Variants in SFI1 observed in about 807,000 individuals in gnomAD.
SFI1 encodes the protein SFI1 centrin binding protein.
In SFI1, 195 loss-of-function variants were observed where a neutral mutation model predicts 207.5. The observed-to-expected ratio is 0.94, with a 90% CI of 0.84 to 1.06. The LOEUF (loss-of-function observed/expected upper bound fraction) is 1.06, where lower values mean the gene tolerates loss of function less well. Ranked by LOEUF, SFI1 falls within the 50% of genes least tolerant of loss-of-function variation. The pLI is 0.00. For missense variants in SFI1, 1,634 were observed against 1,588.0 expected (o/e 1.03, Z -0.49); for synonymous variants, 630 against 598.9 (o/e 1.05, Z -0.76).
At chr22:31,587,334 C>T (rs1199818247) in intron 14 of SFI1, 3 of 326,254 alleles carry the variant, frequency 9.2e-6, no homozygotes, top group Non-Finnish European at 1.2e-5. Context: ...ACAGGTTTCA[C>T]TTTGTCACCC....
chr22:31,580,330 G>GAAGGAATC lies in SFI1; in HGVS notation c.1215_1222dup (p.Leu408GlnfsTer46). The GAAGGAATC allele has an allele frequency of 6.2e-7, 1 of 1,613,946 alleles. No individual in the cohort carries two copies. ...ACCCACGCTCATCTCCAGCAAATAA[G>GAAGGAATC]AAGGAATCTTGCTCACCAGCAGCAT... On this transcript the variant is annotated frameshift_variant, in exon 12 of 33. Coordinates refer to ENST00000400288, the MANE Select transcript of SFI1 (RefSeq NM_001007467.3). LOFTEE classifies it high-confidence loss of function.
chr22:31,613,881 C>G (rs374678946), intron 27 of SFI1, 26 bp downstream of exon 27: 4 of 1,565,864 alleles, frequency 2.6e-6, no homozygotes, highest in Non-Finnish European at 3.5e-6. Flanking sequence ...TCACCTTGTC[C>G]TCGCTTCCAC....
At chr22:31,518,585 CT>C (rs1321170700) in intron 2 of SFI1, among the ~76,000 whole-genome samples, 1 of 152,112 alleles carries the variant, frequency 6.6e-6, no homozygotes, top group African/African-American at 2.4e-5. Context: ...ACCAGCTTTT[CT>C]CTTTGATCTT....
chr22:31,550,833 A>G (rs1360666240), intron 6 of SFI1, among the ~76,000 whole-genome samples: 1 of 152,204 alleles, frequency 6.6e-6, no homozygotes, highest in African/African-American at 2.4e-5. Flanking sequence ...GTCTAAGGGA[A>G]AAAGACCTAG....
At chr22:31,525,866 G>T (rs1485246340) in intron 2 of SFI1, among the ~76,000 whole-genome samples, 6 of 151,944 alleles carry the variant, frequency 3.9e-5, no homozygotes, top group Non-Finnish European at 5.9e-5. Flanking sequence ...ACAGCTTTGT[G>T]GTTTATTTTG....
rs1292010463 is a variant in SFI1 at position 31,508,278 on chromosome 22, T to G, written c.-7T>G. On this transcript the variant is annotated 5_prime_UTR_variant, in exon 2 of 33. Transcript: ENST00000400288. ...AGTTAGAAGGGGAAGATAAAAGACT[T>G]TGATTCATGAAGAATCTGCTCACTG... 2 of 1,453,040 alleles carry G rather than the reference T, an allele frequency of 1.4e-6. No individual in the cohort carries two copies. The highest frequency in any genetic ancestry group is 1.9e-6 in the Non-Finnish European group (2 of 1,069,946). The allele number at this position is 1,453,040 out of a possible 1,614,324, so 90.0% of individuals were successfully genotyped here.
At chr22:31,548,499 C>T (rs913853537) in intron 5 of SFI1, among the ~76,000 whole-genome samples, 2 of 150,768 alleles carry the variant, frequency 1.3e-5, no homozygotes, top group African/African-American at 4.9e-5. Flanking sequence ...AAAAATTAGC[C>T]GGGCATGGCG....
chr22:31,571,942 T>C (rs1339329520), intron 8 of SFI1, among the ~76,000 whole-genome samples: 1 of 152,134 alleles, frequency 6.6e-6, no homozygotes, highest in Non-Finnish European at 1.5e-5. Context: ...CACATTGATA[T>C]GCTGATTTCA....
In SFI1 at chr22:31,613,662, C is replaced by G; in HGVS notation, c.2803C>G (p.Leu935Val). 2 of 1,607,632 alleles carry G rather than the reference C, an allele frequency of 1.2e-6. No homozygotes were observed. Among genetic ancestry groups the G allele is most frequent in the Non-Finnish European group, 1.7e-6 (2 of 1,176,392 alleles). ...TGCCACGCTCTGGAAACAGAAAGTG[C>G]TGGGCCGGGGCGGGAAGCCTCAGCC... ...RCATLWKQKV[L>V]GRGGKPQPLA... Residue 935 changes from leucine (L) to valine (V), a missense_variant, in exon 27 of 33, where the codon CTG becomes GTG. Physicochemically the swap from Leu to Val is conservative, Grantham distance 32. Coordinates refer to ENST00000400288, the MANE Select transcript of SFI1 (RefSeq NM_001007467.3).
At chr22:31,520,953 T>G (rs1042084609) in intron 2 of SFI1, among the ~76,000 whole-genome samples, 3 of 142,560 alleles carry the variant, frequency 2.1e-5, no homozygotes. Context: ...GTGTAATTTG[T>G]GATTGTTCCA....
chr22:31,535,967 T>C (rs1449121399), intron 4 of SFI1, among the ~76,000 whole-genome samples: 1 of 152,138 alleles, frequency 6.6e-6, no homozygotes, highest in Non-Finnish European at 1.5e-5. Flanking sequence ...TAGAACTCCT[T>C]CTTCTGTTGT....
chr22:31,557,163 G>A (rs1214407460), intron 7 of SFI1, 104 bp downstream of exon 7: 1 of 702,856 alleles, frequency 1.4e-6, no homozygotes, highest in Non-Finnish European at 2.3e-6. Context: ...ACAATGGTTT[G>A]TATTTGGTTT....
intron 29 of SFI1, 71 bp from the exon 30 acceptor site, chr22:31,616,674 G>A: frequency 6.8e-7 from 1 of 1,480,696 alleles, no homozygotes; most frequent in Non-Finnish European, 9.0e-7. Context: ...GCAGTGACAA[G>A]GACTTGGTGT....
At chr22:31,594,015 G>GCA in intron 15 of SFI1, among the ~76,000 whole-genome samples, 1 of 137,456 alleles carries the variant, frequency 7.3e-6, no homozygotes, top group Non-Finnish European at 1.6e-5. Context: ...ACAGGGAGAG[G>GCA]GAGAGGGAGA....
chr22:31,589,373 A>G, intron 14 of SFI1, 74 bp from the exon 15 acceptor site: 1 of 1,298,132 alleles, frequency 7.7e-7, no homozygotes, highest in Non-Finnish European at 1.0e-6. Flanking sequence ...TCCTCCCACA[A>G]GGGTGTGACC....
intron 15 of SFI1, among the ~76,000 whole-genome samples, chr22:31,594,574 G>T (rs1456226164): frequency 6.9e-6 from 1 of 145,326 alleles, no homozygotes; most frequent in African/African-American, 2.5e-5. Flanking sequence ...AAAAGAAAAA[G>T]GCCGGGCCTG....
intron 16 of SFI1, 83 bp from the exon 17 acceptor site, chr22:31,602,524 T>C (rs2068283992): frequency 6.7e-7 from 1 of 1,496,820 alleles, no homozygotes; most frequent in African/African-American, 1.4e-5. Flanking sequence ...TAGTCATTAT[T>C]TGTGGCCTGT....
intron 4 of SFI1, among the ~76,000 whole-genome samples, chr22:31,546,529 C>G (rs896941822): frequency 2.0e-5 from 3 of 152,014 alleles, no homozygotes; most frequent in Admixed American, 6.6e-5. Flanking sequence ...TGCGGTTTCA[C>G]CATGTTGGCC....
chr22:31,505,934 G>GT (rs1431052422), intron 1 of SFI1, among the ~76,000 whole-genome samples: 3 of 151,300 alleles, frequency 2.0e-5, no homozygotes, highest in Non-Finnish European at 4.4e-5. Flanking sequence ...GCCTGTAATC[G>GT]TAACACTTTG....
Sources: gnomAD v4.1 joint callset for allele counts (sites outside exome capture counted in the v4.1 genomes callset) on GRCh38, gnomAD v4.1.1 for gene constraint, MANE v1.5 for transcripts, NCBI Gene and HGNC (gene_info 2026-07-23, HGNC 2026-07-21) for gene names.